The following ROBO1 variants were observed in gnomAD, a reference collection of about 807,000 sequenced individuals.
ROBO1 encodes the protein roundabout guidance receptor 1.
ROBO1 carries 149 observed loss-of-function variants against 195.9 expected under a neutral mutation model. That is an observed-to-expected ratio of 0.76 (90% CI 0.67 to 0.87). The LOEUF (loss-of-function observed/expected upper bound fraction) is 0.87, where lower values mean the gene tolerates loss of function less well. Ranked by LOEUF, ROBO1 falls within the 40% of genes least tolerant of loss-of-function variation. ROBO1 has a pLI of 0.00. For synonymous variants in ROBO1, 816 were observed against 733.2 expected, an observed-to-expected ratio of 1.11 and a Z score of -1.82; for missense variants, 1,933 against 2,068.3, an observed-to-expected ratio of 0.93 and a Z score of 1.27.
intron 2 of ROBO1, among the ~76,000 whole-genome samples, chr3:79,506,086 G>A (rs1257744202): frequency 6.6e-6 from 1 of 151,856 alleles, no homozygotes; most frequent in East Asian, 1.9e-4. Context: ...TAAAGAATCT[G>A]CATTTTATTA....
chr3:79,342,065 T>A (rs1414798195), intron 2 of ROBO1, among the ~76,000 whole-genome samples: 1 of 152,090 alleles, frequency 6.6e-6, no homozygotes, highest in Non-Finnish European at 1.5e-5. Context: ...TAGAAAGAAG[T>A]AGCAAGGAAG....
intron 1 of ROBO1, among the ~76,000 whole-genome samples, chr3:79,718,277 C>A (rs747283223): frequency 2.6e-4 from 40 of 151,842 alleles, no homozygotes; most frequent in Non-Finnish European, 8.8e-5. Context: ...AATATAATTA[C>A]TGTTAAGTAC....
intron 2 of ROBO1, among the ~76,000 whole-genome samples, chr3:79,567,515 T>G (rs1426622855): frequency 2.0e-5 from 3 of 152,204 alleles, no homozygotes; most frequent in Admixed American, 6.5e-5. Context: ...TGTCTATTTG[T>G]GCATGTGCAA....
chr3:79,344,721 GGAGAGAGAGA>G (rs138663051), intron 2 of ROBO1, among the ~76,000 whole-genome samples: 1 of 150,056 alleles, frequency 6.7e-6, no homozygotes, highest in Non-Finnish European at 1.5e-5. Context: ...ATATATATAT[GGAGAGAGAGA>G]GAGAGAGGGT....
chr3:78,775,873 T>G, intron 4 of ROBO1, among the ~76,000 whole-genome samples: 1 of 152,190 alleles, frequency 6.6e-6, no homozygotes, highest in East Asian at 1.9e-4. Context: ...ATGGACAGAC[T>G]CTGACTGACC....
At chr3:79,699,589 G>A (rs1196113154) in intron 1 of ROBO1, among the ~76,000 whole-genome samples, 1 of 151,584 alleles carries the variant, frequency 6.6e-6, no homozygotes, top group African/African-American at 2.4e-5. Context: ...ATTATCCTGA[G>A]TCCATAGGTG....
At chr3:79,507,810 C>G (rs997551924) in intron 2 of ROBO1, 10 of 154,608 alleles carry the variant, frequency 6.5e-5, no homozygotes, top group African/African-American at 2.4e-4. Flanking sequence ...TGTTGAAGTC[C>G]TAATATTCGG....
At chr3:79,503,021 C>T (rs1013874751) in intron 2 of ROBO1, among the ~76,000 whole-genome samples, 7 of 152,106 alleles carry the variant, frequency 4.6e-5, no homozygotes, top group African/African-American at 1.7e-4. Flanking sequence ...AAGCAGGCTG[C>T]GTGAGCTAAC....
At chr3:78,978,377 A>T (rs2076926049) in intron 3 of ROBO1, among the ~76,000 whole-genome samples, 1 of 152,108 alleles carries the variant, frequency 6.6e-6, no homozygotes, top group Non-Finnish European at 1.5e-5. Flanking sequence ...CTTCTTCCAT[A>T]GACTGCTGCT....
At chr3:79,448,058 A>T (rs2039323684) in intron 2 of ROBO1, among the ~76,000 whole-genome samples, 1 of 152,236 alleles carries the variant, frequency 6.6e-6, no homozygotes, top group African/African-American at 2.4e-5. Context: ...ATGTTATATA[A>T]GTTGAGAAAT....
At chr3:79,351,358 A>G (rs2035334448) in intron 2 of ROBO1, among the ~76,000 whole-genome samples, 1 of 152,154 alleles carries the variant, frequency 6.6e-6, no homozygotes, top group Non-Finnish European at 1.5e-5. Context: ...TAAAAGATCA[A>G]TTATATAAAT....
Position 79,643,428 on chromosome 3 carries a change from T to C in ROBO1, c.-50-53467A>G, listed in dbSNP as rs187585414. Among the ~76,000 whole-genome samples, 521 of 152,262 alleles carry C rather than the reference T, an allele frequency of 3.4e-3. 3 individuals are homozygous for C. Among genetic ancestry groups the C allele is most frequent in the Non-Finnish European group, 3.9e-3 (262 of 68,012 alleles). On this transcript the variant is annotated intron_variant, in intron 1 of 30. Transcript: ENST00000464233. Reference sequence around the variant, plus strand: ...CCGTTCATATATACATCTATCCTATTAGTTCTACCTCTCTAGAAAACCCTT... The same window carrying C: ...CCGTTCATATATACATCTATCCTATCAGTTCTACCTCTCTAGAAAACCCTT...
chr3:78,775,031 C>G (rs545484053), intron 4 of ROBO1, among the ~76,000 whole-genome samples: 2 of 152,256 alleles, frequency 1.3e-5, no homozygotes, highest in Admixed American at 6.5e-5. Flanking sequence ...AAAACTCTTA[C>G]ATTTAGTAGA....
At chr3:79,628,535 A>C (rs1945249346) in intron 1 of ROBO1, among the ~76,000 whole-genome samples, 3 of 152,160 alleles carry the variant, frequency 2.0e-5, no homozygotes, top group Non-Finnish European at 4.4e-5. Flanking sequence ...TAGGTGCAGC[A>C]AACCACCATG....
At chr3:79,082,144 A>G (rs936872166) in intron 3 of ROBO1, among the ~76,000 whole-genome samples, 4 of 152,174 alleles carry the variant, frequency 2.6e-5, no homozygotes, top group Non-Finnish European at 5.9e-5. Flanking sequence ...TTGGAAAATG[A>G]TGTATTTCAT....
intron 3 of ROBO1, among the ~76,000 whole-genome samples, chr3:79,006,757 G>GAAAAA (rs11345487): frequency 1.7e-5 from 2 of 115,238 alleles, no homozygotes; most frequent in African/African-American, 6.3e-5. Context: ...CAAAATATCG[G>GAAAAA]AAAAAAAAAA....
chr3:78,898,524 A>T lies in ROBO1; in HGVS notation c.499+40077T>A, dbSNP rs183348974. Among the ~76,000 whole-genome samples the T allele has an allele frequency of 2.1e-4, 32 of 150,472 alleles. No homozygotes were observed. The East Asian group carries it at 5.8e-3, about 27-fold the overall frequency. ...TGCCTCGGCCTCCCAAGTAGCTGGG[A>T]CTACAGGCGCCCACCACCATGCCCG... On this transcript the variant is annotated intron_variant, in intron 4 of 30. Coordinates refer to ENST00000464233, the MANE Select transcript of ROBO1 (RefSeq NM_002941.4).
At chr3:79,115,645 C>T (rs2079979683) in intron 3 of ROBO1, among the ~76,000 whole-genome samples, 2 of 152,194 alleles carry the variant, frequency 1.3e-5, no homozygotes, top group African/African-American at 2.4e-5. Context: ...CAATGTTGAG[C>T]CATCAATATG....
At chr3:79,004,440 C>G (rs985111382) in intron 3 of ROBO1, among the ~76,000 whole-genome samples, 2 of 152,104 alleles carry the variant, frequency 1.3e-5, no homozygotes, top group Non-Finnish European at 2.9e-5. Context: ...TTTAACTAGA[C>G]ACAGACTCTC....
Sources: allele counts gnomAD v4.1 joint callset (sites outside exome capture counted in the v4.1 genomes callset), GRCh38; gene constraint gnomAD v4.1.1; transcripts MANE v1.5; gene names NCBI Gene and HGNC (gene_info 2026-07-23, HGNC 2026-07-21).